The following BCLAF1 variants were observed in gnomAD, a reference collection of about 807,000 sequenced individuals.
BCLAF1 encodes bcl-2-associated transcription factor 1.
A neutral mutation model predicts 99.5 loss-of-function variants in BCLAF1; 10 were observed. That is an observed-to-expected ratio of 0.10 (90% CI 0.06 to 0.17). BCLAF1 has a LOEUF of 0.17. BCLAF1 is among the 10% of genes least tolerant of loss of function. The probability of loss-of-function intolerance (pLI) is 1.00; values close to 1 mark genes in which losing one functional copy is unlikely to be tolerated. For synonymous variants in BCLAF1, 255 were observed against 370.9 expected (o/e 0.69, Z 3.59); for missense variants, 636 against 1,105.8 (o/e 0.58, Z 6.02).
At chr6:136,264,692 T>C (rs1041401966) in intron 11 of BCLAF1, among the ~76,000 whole-genome samples, 2 of 152,320 alleles carry the variant, frequency 1.3e-5, no homozygotes, top group East Asian at 3.9e-4. Context: ...TAACTATTCA[T>C]GTGAAAACCA....
Position 136,278,278 on chromosome 6 carries a change from T to C in BCLAF1, c.603A>G (p.Glu201=), listed in dbSNP as rs1783784791. ...CGGATGTGGCTGATGACTTATTAAA[T>C]TCATCGATAGACTCAGATGGGTCAT... is the stretch of plus-strand genomic sequence containing the variant. ...FEHDPSESID[E]FNKSSATSGD... The change falls in exon 4 of 13, where the codon GAA becomes GAG. Residue 201 remains glutamate (E), a synonymous_variant. Transcript: ENST00000531224. The C allele has an allele frequency of 1.9e-6, 3 of 1,614,166 alleles. No individual in the cohort carries two copies. The highest frequency in any genetic ancestry group is 2.5e-6 in the Non-Finnish European group (3 of 1,180,014).
At chr6:136,263,386 G>A (rs1458735853) in intron 11 of BCLAF1, among the ~76,000 whole-genome samples, 1 of 152,124 alleles carries the variant, frequency 6.6e-6, no homozygotes, top group African/African-American at 2.4e-5. Flanking sequence ...CTGAAACTTG[G>A]TAAACACAAC....
rs779833402 is a variant in BCLAF1, at chr6:136,278,730, G to A, written c.151C>T (p.Arg51Cys). ...RTYSRSRSRD[R>C]MYSRDYRRDY... is the part of the protein sequence containing the mutation. ...CGACGATAATCTCTAGAATACATACGATCTCTACTACGAGACCTTGAATAT... is the reference window on the plus strand; with the variant it reads ...CGACGATAATCTCTAGAATACATACAATCTCTACTACGAGACCTTGAATAT... The change falls in exon 4 of 13, where the codon CGT (arginine) becomes TGT (cysteine). Residue 51 changes from arginine (R) to cysteine (C), a missense_variant. Coordinates refer to ENST00000531224, the MANE Select transcript of BCLAF1 (RefSeq NM_014739.3). 8 of 1,604,956 alleles carry A rather than the reference G, an allele frequency of 5.0e-6. No homozygotes were observed. The highest frequency in any genetic ancestry group is 1.1e-5 in the South Asian group (1 of 90,268).
chr6:136,268,352 G>T lies in BCLAF1; in HGVS notation c.2220-13C>A. 6.3e-7 allele frequency: 1 copy of T among 1,577,832 alleles called. No homozygotes were observed. Among genetic ancestry groups the T allele is most frequent in the South Asian group, 1.2e-5 (1 of 85,490 alleles). On this transcript the variant is annotated splice_polypyrimidine_tract_variant and intron_variant, in intron 9 of 12. Coordinates refer to ENST00000531224, the MANE Select transcript of BCLAF1 (RefSeq NM_014739.3). Reference sequence around the variant, plus strand: ...TCTTTTATGTTTACTGCAAAATAAAGAAAACAAAAAATGTGATACTTTTAA... The same window carrying T: ...TCTTTTATGTTTACTGCAAAATAAATAAAACAAAAAATGTGATACTTTTAA...
chr6:136,258,847 TAA>T lies in BCLAF1; in HGVS notation c.*2261_*2262del, dbSNP rs962094493. Reference sequence around the variant, plus strand: ...ATGCTGAAAGGTACACATACACACCTAAAGAGTCATGGCCTTCTTAAACAGCT... The same window carrying T: ...ATGCTGAAAGGTACACATACACACCTAGAGTCATGGCCTTCTTAAACAGCT... On this transcript the variant is annotated 3_prime_UTR_variant, in exon 13 of 13. Transcript: ENST00000531224. 1 of 152,496 alleles carries T rather than the reference TAA, an allele frequency of 6.6e-6. No homozygotes were observed. Among genetic ancestry groups the T allele is most frequent in the Non-Finnish European group, 1.5e-5 (1 of 67,892 alleles). The allele number at this position is 152,496 out of a possible 1,614,324, so 9.4% of individuals were successfully genotyped here. A position where few individuals can be genotyped will look rare whatever the true frequency, so the allele number is the denominator to read the frequency against.
rs982890127 is a variant in BCLAF1, at chr6:136,287,142, G to GA, written c.-115+2570dup. 2.2e-3 allele frequency among the ~76,000 whole-genome samples: 305 copies of GA among 137,836 alleles called. 1 individual carries two copies. The highest frequency in any genetic ancestry group is 3.7e-3 in the South Asian group (16 of 4,358). 90.4% of individuals were successfully genotyped at this position (137,836 alleles called of 152,430 possible). A position where few individuals can be genotyped will look rare whatever the true frequency, so the allele number is the denominator to read the frequency against. ...GCGACAGAGCAAGACTGTGTCTCAA[G>GA]AAAAAAAAAAAAAATTAGCAGGACA... On this transcript the variant is annotated intron_variant, in intron 1 of 12. Coordinates refer to ENST00000531224, the MANE Select transcript of BCLAF1 (RefSeq NM_014739.3).
rs1335065580 is a variant in BCLAF1 at position 136,258,601 on chromosome 6, T to C, written c.*2509A>G. On this transcript the variant is annotated 3_prime_UTR_variant, in exon 13 of 13. Coordinates refer to ENST00000531224, the MANE Select transcript of BCLAF1 (RefSeq NM_014739.3). ...ACAACAGCAGTTATTACTTGTGACA[T>C]TTTATTGGCGTATGACAATTTACAA... 1 of 152,496 alleles carries C rather than the reference T, an allele frequency of 6.6e-6. No homozygotes were observed. The highest frequency in any genetic ancestry group is 1.5e-5 in the Non-Finnish European group (1 of 67,896). 9.4% of individuals were successfully genotyped at this position (152,496 alleles called of 1,614,324 possible). A position where few individuals can be genotyped will look rare whatever the true frequency, so the allele number is the denominator to read the frequency against.
chr6:136,270,375 AAG>A (rs1485281515), intron 8 of BCLAF1: 1 of 151,884 alleles, frequency 6.6e-6, no homozygotes, highest in Non-Finnish European at 1.5e-5. Context: ...GGAAGATGGA[AAG>A]AGGCATCTAG....
intron 2 of BCLAF1, among the ~76,000 whole-genome samples, chr6:136,282,020 A>T (rs1029421030): frequency 6.6e-6 from 1 of 152,208 alleles, no homozygotes; most frequent in Admixed American, 6.5e-5. Flanking sequence ...AAATGGATTG[A>T]TATCTTCTGC....
intron 8 of BCLAF1, 142 bp downstream of exon 8, chr6:136,271,853 C>G: frequency 1.7e-6 from 1 of 587,790 alleles, no homozygotes. Context: ...CAGGAAGAAA[C>G]AGTATGTACA....
At position 136,276,079 on chromosome 6, in the gene BCLAF1, G is replaced by A. The variant is rs1184012425; in HGVS notation, c.1446C>T (p.Asp482=). Residue 482 remains aspartate (D), a synonymous_variant, in exon 5 of 13, where the codon GAC becomes GAT. Coordinates refer to ENST00000531224, the MANE Select transcript of BCLAF1 (RefSeq NM_014739.3). ...TTACTGTTATTCTTTCAGAATTTTT[G>A]TCTTCTTCTTTGTGCTTATCTTTTG... ...STTKDKHKEE[D]KNSERITVKK... is the part of the protein sequence containing the mutation. 5.6e-6 allele frequency: 9 copies of A among 1,607,872 alleles called. No homozygotes were observed. The East Asian group carries it at 1.6e-4, about 28-fold the overall frequency.
intron 3 of BCLAF1, 61 bp from the exon 4 acceptor site, chr6:136,278,837 T>C (rs931560005): frequency 8.7e-6 from 12 of 1,387,046 alleles, no homozygotes; most frequent in Non-Finnish European, 1.1e-5. Flanking sequence ...CCATTCTAAA[T>C]ACTCTGGTTG....
intron 2 of BCLAF1, among the ~76,000 whole-genome samples, chr6:136,280,850 G>C (rs766465669): frequency 1.1e-4 from 16 of 152,178 alleles, no homozygotes; most frequent in Admixed American, 2.0e-4. Context: ...TTGCTGCATA[G>C]AACTATTTCC....
At position 136,278,259 on chromosome 6, in the gene BCLAF1, T is replaced by C; in HGVS notation, c.622A>G (p.Thr208Ala). ...SIDEFNKSSA[T>A]SGDIWPGLSA... ...AGGCCAGGCCAAATATCACCGGATG[T>C]GGCTGATGACTTATTAAATTCATCG... is the stretch of plus-strand genomic sequence containing the variant. Residue 208 changes from threonine (T) to alanine (A), a missense_variant, in exon 4 of 13, where the codon ACA becomes GCA. Around this residue, in one of 9 missense-constraint regions of BCLAF1, gnomAD observed 65 missense variants for 90.9 expected, o/e 0.71. Coordinates refer to ENST00000531224, the MANE Select transcript of BCLAF1 (RefSeq NM_014739.3). The C allele has an allele frequency of 6.2e-7, 1 of 1,614,174 alleles. No individual in the cohort carries two copies. Among genetic ancestry groups the C allele is most frequent in the Non-Finnish European group, 8.5e-7 (1 of 1,180,008 alleles).
intron 1 of BCLAF1, among the ~76,000 whole-genome samples, chr6:136,287,218 G>A (rs1240637184): frequency 1.3e-5 from 2 of 151,754 alleles, no homozygotes; most frequent in African/African-American, 2.4e-5. Context: ...GCTGAGATAC[G>A]AGAATCGCTT....
chr6:136,276,626 GA>G (rs770983711), intron 4 of BCLAF1, 118 bp from the exon 5 acceptor site: 4 of 1,236,988 alleles, frequency 3.2e-6, no homozygotes, highest in Non-Finnish European at 4.3e-6. Context: ...TAACCCTATT[GA>G]AAAGTGCTTT....
rs1781406408 is a variant in BCLAF1 at position 136,264,160 on chromosome 6, C to T, written c.2545-2683G>A. Among the ~76,000 whole-genome samples the T allele has an allele frequency of 2.0e-5, 3 of 152,152 alleles. No homozygotes were observed. In the South Asian group the frequency reaches 6.2e-4, roughly 32 times the overall value. On this transcript the variant is annotated intron_variant, in intron 11 of 12. Transcript: ENST00000531224. ...CATACATACAGAACACTCAGAACAG[C>T]ACCTAGCATAGTACATGATGCTTAA...
rs780768095 is a variant in BCLAF1, at chr6:136,272,098, A to G, written c.1959-19T>C. The G allele has an allele frequency of 4.0e-6, 6 of 1,502,994 alleles. No individual in the cohort carries two copies. The highest frequency in any genetic ancestry group is 1.2e-5 in the South Asian group (1 of 81,620). 93.1% of individuals were successfully genotyped at this position (1,502,994 alleles called of 1,614,324 possible). ...AATTCTCCTTAATGTAAAATAAAAT[A>G]TATTTTTAGTCATATTATTAACTTT... On this transcript the variant is annotated intron_variant, in intron 7 of 12. Transcript: ENST00000531224.
At chr6:136,266,588 G>T (rs1025522099) in intron 11 of BCLAF1, among the ~76,000 whole-genome samples, 4 of 151,998 alleles carry the variant, frequency 2.6e-5, no homozygotes, top group Non-Finnish European at 5.9e-5. Flanking sequence ...TTTCTCCAAT[G>T]AAAGTTGACA....
Sources: gnomAD v4.1 joint callset for allele counts (sites outside exome capture counted in the v4.1 genomes callset) on GRCh38, gnomAD v4.1.1 for gene constraint, gnomAD v4.1.1 regional missense constraint, MANE v1.5 for transcripts, NCBI Gene and HGNC (gene_info 2026-07-23, HGNC 2026-07-21) for gene names.